Variants in SYT14 observed in about 807,000 individuals in gnomAD.
SYT14 encodes synaptotagmin-14.
A neutral mutation model predicts 74.2 loss-of-function variants in SYT14; 32 were observed. The ratio of observed to expected loss-of-function variants is 0.43; its 90% CI spans 0.33 to 0.58. SYT14 has a LOEUF of 0.58. SYT14 is among the 20% of genes least tolerant of loss of function. SYT14 has a pLI of 0.05. For missense variants in SYT14, 791 were observed against 981.8 expected, an observed-to-expected ratio of 0.81 and a Z score of 2.60; for synonymous variants, 298 against 337.7, an observed-to-expected ratio of 0.88 and a Z score of 1.29.
chr1:210,131,041 G>A (rs1027314937), intron 7 of SYT14, among the ~76,000 whole-genome samples: 6 of 152,190 alleles, frequency 3.9e-5, no homozygotes, highest in South Asian at 2.1e-4. Flanking sequence ...TGAAACTCAC[G>A]GTATTCATAA....
chr1:210,096,235 T>C (rs1295714204), intron 6 of SYT14, among the ~76,000 whole-genome samples: 1 of 152,198 alleles, frequency 6.6e-6, no homozygotes, highest in Non-Finnish European at 1.5e-5. Context: ...TTAACAACTA[T>C]ATTATATTGC....
chr1:209,970,523 T>C (rs995281971), intron 2 of SYT14, among the ~76,000 whole-genome samples: 8 of 152,120 alleles, frequency 5.3e-5, no homozygotes, highest in Non-Finnish European at 1.2e-4. Flanking sequence ...TTCTTTTTGC[T>C]TAGGATGGCT....
At chr1:210,141,046 CA>C (rs36006017) in intron 7 of SYT14, among the ~76,000 whole-genome samples, 22,803 of 97,064 alleles carry the variant, frequency 0.23, 2,100 homozygotes, top group East Asian at 0.54. Context: ...TTTGTTTCTG[CA>C]AAAAAAAAAA....
At chr1:210,037,321 C>A (rs900184898) in intron 5 of SYT14, among the ~76,000 whole-genome samples, 5 of 151,812 alleles carry the variant, frequency 3.3e-5, no homozygotes, top group African/African-American at 1.2e-4. Context: ...GTATTCTTTC[C>A]TCTTTTGTTT....
At chr1:210,159,428 G>T in exon 9 of SYT14, 1 of 1,551,398 alleles carries the variant, frequency 6.4e-7, no homozygotes, top group Non-Finnish European at 8.7e-7. Flanking sequence ...CAGATGGACT[G>T]TTCTGTTGTC....
intron 5 of SYT14, among the ~76,000 whole-genome samples, chr1:210,061,373 A>G (rs970971209): frequency 2.6e-5 from 4 of 151,990 alleles, no homozygotes; most frequent in Non-Finnish European, 5.9e-5. Context: ...ATTCTTGCCT[A>G]TGCGAATTTT....
chr1:209,938,217 G>A (rs1347364190), exon 1 of SYT14: 1 of 1,511,620 alleles, frequency 6.6e-7, no homozygotes. Flanking sequence ...CAGCCCTCGC[G>A]TCTGCTGCCC....
At chr1:210,067,155 C>T (rs116500435) in intron 5 of SYT14, among the ~76,000 whole-genome samples, 212 of 152,070 alleles carry the variant, frequency 1.4e-3, no homozygotes, top group African/African-American at 4.1e-3. Context: ...CATTGATCTA[C>T]GTGTCTGTCC....
intron 7 of SYT14, among the ~76,000 whole-genome samples, chr1:210,113,994 C>T (rs1207578205): frequency 6.6e-6 from 1 of 151,362 alleles, no homozygotes; most frequent in Non-Finnish European, 1.5e-5. Context: ...AGGGGACGGA[C>T]TTACCTTCCA....
At chr1:210,089,787 G>C (rs2081824589) in intron 5 of SYT14, among the ~76,000 whole-genome samples, 7 of 152,114 alleles carry the variant, frequency 4.6e-5, no homozygotes, top group Admixed American at 4.6e-4. Context: ...ACAAAGAATT[G>C]GACAAAATGC....
intron 5 of SYT14, among the ~76,000 whole-genome samples, chr1:210,088,884 T>A (rs1478128792): frequency 2.0e-5 from 3 of 150,272 alleles, no homozygotes; most frequent in African/African-American, 4.9e-5. Context: ...TTCAGGATAT[T>A]TTTTTTTTAT....
At chr1:210,051,334 CATTA>C (rs1452554478) in intron 5 of SYT14, among the ~76,000 whole-genome samples, 2 of 152,144 alleles carry the variant, frequency 1.3e-5, no homozygotes, top group African/African-American at 2.4e-5. Context: ...AAGTTATTTG[CATTA>C]ATTCTTTTTT....
At chr1:210,128,645 T>G (rs748900040) in intron 7 of SYT14, among the ~76,000 whole-genome samples, 2 of 152,222 alleles carry the variant, frequency 1.3e-5, no homozygotes, top group Non-Finnish European at 2.9e-5. Context: ...TACCCTCTTA[T>G]GTCCTACAGA....
intron 5 of SYT14, among the ~76,000 whole-genome samples, chr1:210,065,988 G>A (rs1455304485): frequency 1.2e-4 from 17 of 146,272 alleles, no homozygotes; most frequent in Admixed American, 8.5e-4. Flanking sequence ...TTGGTTTTTT[G>A]TCCTTGTGAT....
chr1:209,958,620 T>C (rs2079029117), intron 2 of SYT14, among the ~76,000 whole-genome samples: 1 of 152,214 alleles, frequency 6.6e-6, no homozygotes, highest in Non-Finnish European at 1.5e-5. Context: ...AGATACCTTA[T>C]ATTTTTTGTT....
chr1:209,967,770 A>AT (rs1357949493), intron 2 of SYT14, among the ~76,000 whole-genome samples: 1 of 151,744 alleles, frequency 6.6e-6, no homozygotes, highest in African/African-American at 2.4e-5. Context: ...TGTTTCATTG[A>AT]TTTTGCCTAT....
intron 7 of SYT14, among the ~76,000 whole-genome samples, chr1:210,146,683 A>G (rs1009790256): frequency 6.6e-6 from 1 of 151,626 alleles, no homozygotes; most frequent in Non-Finnish European, 1.5e-5. Context: ...CATATATACT[A>G]TATGTAGTAT....
At position 210,126,204 on chromosome 1, in the gene SYT14, G is replaced by GA. The variant is rs200079122; in HGVS notation, c.2034+25754dup. Among the ~76,000 whole-genome samples the GA allele has an allele frequency of 2.2e-3, 316 of 144,098 alleles. 2 individuals carry two copies. The East Asian group carries it at 0.035, about 16-fold the overall frequency. The allele number at this position is 144,098 out of a possible 152,430, so 94.5% of individuals were successfully genotyped here. On this transcript the variant is annotated intron_variant, in intron 7 of 9. Transcript: ENST00000637265. ...GCGACAGAGTGAGACTCCGTCTCAAGAAAAAAAAAAACAGAAAGGCAACAT... is the reference window on the plus strand; with the variant it reads ...GCGACAGAGTGAGACTCCGTCTCAAGAAAAAAAAAAAACAGAAAGGCAACAT...
rs185095155 is a variant in SYT14, at chr1:209,994,897, A to G, written c.-485-18736A>G. On this transcript the variant is annotated intron_variant, in intron 2 of 9. Transcript: ENST00000637265. ...TTCATCTCTTACCAAACTAAGCTTC[A>G]TAAGTGAAAGAGAAATAAAATCTTC... Among the ~76,000 whole-genome samples the G allele has an allele frequency of 1.8e-4, 27 of 152,346 alleles. No homozygotes were observed. In the East Asian group the frequency reaches 5.0e-3, roughly 28 times the overall value.
Sources: gnomAD v4.1 joint callset for allele counts (sites outside exome capture counted in the v4.1 genomes callset) on GRCh38, gnomAD v4.1.1 for gene constraint, MANE v1.5 for transcripts, NCBI Gene and HGNC (gene_info 2026-07-23, HGNC 2026-07-21) for gene names.